WWOX: variants seen among roughly 807,000 people sequenced by gnomAD.
WWOX encodes the protein WW domain-containing oxidoreductase.
Under a neutral mutation model 46.2 loss-of-function variants are expected in WWOX, and 69 were observed. That is an observed-to-expected ratio of 1.49 (90% CI 1.23 to 1.82). The LOEUF (loss-of-function observed/expected upper bound fraction) is 1.82, where lower values mean the gene tolerates loss of function less well. Ranked by LOEUF, WWOX falls within the 40% of genes most tolerant of loss-of-function variation. WWOX has a pLI of 0.00. For synonymous variants in WWOX, 359 were observed against 202.6 expected (o/e 1.77, Z -6.56); for missense variants, 919 against 542.6 (o/e 1.69, Z -6.89).
chr16:78,778,046 A>G (rs1349966526), intron 8 of WWOX, among the ~76,000 whole-genome samples: 6 of 2,468 alleles, frequency 2.4e-3, no homozygotes, highest in Non-Finnish European at 6.8e-3. Flanking sequence ...CTCCATCTGA[A>G]AAAAAAAAAA....
intron 8 of WWOX, among the ~76,000 whole-genome samples, chr16:78,543,264 C>A (rs193129491): frequency 3.9e-5 from 6 of 152,300 alleles, no homozygotes; most frequent in African/African-American, 1.4e-4. Context: ...TGTCACGAGT[C>A]GTTTCCTCTT....
rs117081548 is a variant in WWOX at position 78,928,726 on chromosome 16, C to G, written c.1057-282882C>G. The stretch of plus-strand genomic sequence containing the variant: ...TATATTTGGCTCTCTTTCATCAACA[C>G]TTTTATGGACCTGCATTGCTGTGTT... On this transcript the variant is annotated intron_variant, in intron 8 of 8. Transcript: ENST00000566780. Among the ~76,000 whole-genome samples, 382 of 152,174 alleles carry G rather than the reference C, an allele frequency of 2.5e-3. 13 individuals are homozygous for G. The South Asian group carries it at 0.053, about 21-fold the overall frequency.
rs1251562299 is a variant in WWOX at position 78,726,170 on chromosome 16, T to C, written c.1056+293418T>C. On this transcript the variant is annotated intron_variant, in intron 8 of 8. Transcript: ENST00000566780. ...TTCTCTCTTTCTCTTTCTGTGTCTC[T>C]CTTTTCTCTCTCTCTCTCTTTCCTT... Among the ~76,000 whole-genome samples the C allele has an allele frequency of 2.0e-5, 3 of 146,666 alleles. No individual in the cohort carries two copies. In the East Asian group the frequency reaches 6.3e-4, roughly 31 times the overall value.
chr16:78,871,970 T>C (rs1411945648), intron 8 of WWOX, among the ~76,000 whole-genome samples: 2 of 152,184 alleles, frequency 1.3e-5, no homozygotes, highest in African/African-American at 2.4e-5. Context: ...AGCTTGGCTG[T>C]GGCCTTGCAG....
chr16:78,479,114 A>AG (rs975056037), intron 8 of WWOX, among the ~76,000 whole-genome samples: 7 of 151,930 alleles, frequency 4.6e-5, no homozygotes, highest in Middle Eastern at 6.8e-3. Flanking sequence ...TATTTGGAAA[A>AG]GGAAAAAAAA....
intron 8 of WWOX, among the ~76,000 whole-genome samples, chr16:79,027,232 A>G (rs1283203462): frequency 3.4e-5 from 5 of 148,658 alleles, no homozygotes; most frequent in Admixed American, 6.7e-5. Context: ...GTGGGCTGTG[A>G]TCATGCCACT....
chr16:78,875,270 A>G (rs139780950), intron 8 of WWOX, among the ~76,000 whole-genome samples: 5 of 152,196 alleles, frequency 3.3e-5, no homozygotes, highest in Admixed American at 6.5e-5. Context: ...CTCCCAGTAA[A>G]TCAAGTAATA....
intron 8 of WWOX, among the ~76,000 whole-genome samples, chr16:78,466,190 C>G (rs1003173435): frequency 4.6e-5 from 7 of 152,070 alleles, no homozygotes; most frequent in Non-Finnish European, 1.5e-5. Context: ...CGCCACCATG[C>G]TTGGCTAATT....
intron 8 of WWOX, among the ~76,000 whole-genome samples, chr16:78,803,109 A>G (rs1451039192): frequency 6.6e-6 from 1 of 151,798 alleles, no homozygotes; most frequent in Non-Finnish European, 1.5e-5. Flanking sequence ...ATAGTTTAAT[A>G]TCAATTATAT....
chr16:78,451,312 T>C (rs1335448616), intron 8 of WWOX, among the ~76,000 whole-genome samples: 2 of 152,232 alleles, frequency 1.3e-5, no homozygotes, highest in African/African-American at 4.8e-5. Flanking sequence ...TGAATGAGTA[T>C]ACATTCTGCA....
At chr16:78,609,618 C>G (rs1054325269) in intron 8 of WWOX, among the ~76,000 whole-genome samples, 2 of 151,428 alleles carry the variant, frequency 1.3e-5, no homozygotes, top group African/African-American at 2.4e-5. Flanking sequence ...CAGGCAGGCT[C>G]TTGGGGGCTT....
At chr16:79,067,646 GC>G (rs1490787815) in intron 8 of WWOX, among the ~76,000 whole-genome samples, 1 of 140,154 alleles carries the variant, frequency 7.1e-6, no homozygotes, top group African/African-American at 2.6e-5. Context: ...GCGGGGGGGG[GC>G]ACTTATCACC....
At chr16:78,811,323 C>G (rs1434469933) in intron 8 of WWOX, among the ~76,000 whole-genome samples, 3 of 152,118 alleles carry the variant, frequency 2.0e-5, no homozygotes, top group Non-Finnish European at 2.9e-5. Context: ...TTGGATAAAT[C>G]ACTTCGGGGA....
At chr16:78,884,170 G>T (rs1383282435) in intron 8 of WWOX, among the ~76,000 whole-genome samples, 3 of 151,018 alleles carry the variant, frequency 2.0e-5, no homozygotes, top group Admixed American at 2.0e-4. Context: ...TACTCGGGAG[G>T]CTGAAGCAGG....
chr16:78,587,945 T>A (rs535140091), intron 8 of WWOX, among the ~76,000 whole-genome samples: 1 of 152,346 alleles, frequency 6.6e-6, no homozygotes, highest in South Asian at 2.1e-4. Context: ...TTGGAAATGA[T>A]GGCAGTGGTT....
intron 8 of WWOX, among the ~76,000 whole-genome samples, chr16:78,687,396 G>C (rs934300551): frequency 3.9e-5 from 6 of 152,354 alleles, no homozygotes; most frequent in African/African-American, 9.6e-5. Flanking sequence ...AGTGTGGCCT[G>C]AGATTGTTGA....
Position 78,516,401 on chromosome 16 carries a change from C to T in WWOX, c.1056+83649C>T, listed in dbSNP as rs566411613. Among the ~76,000 whole-genome samples the T allele has an allele frequency of 2.3e-4, 35 of 152,244 alleles. 1 individual carries two copies. Among genetic ancestry groups the T allele is most frequent in the Non-Finnish European group, 3.7e-4 (25 of 68,024 alleles). ...CTTCTTCTAATAGTTGTGTAATATTCCATACTACAGATATTCTGTTATTTA... is the reference window on the plus strand; with the variant it reads ...CTTCTTCTAATAGTTGTGTAATATTTCATACTACAGATATTCTGTTATTTA... On this transcript the variant is annotated intron_variant, in intron 8 of 8. Transcript: ENST00000566780.
intron 8 of WWOX, among the ~76,000 whole-genome samples, chr16:78,792,752 C>G (rs749876190): frequency 1.3e-5 from 2 of 152,112 alleles, no homozygotes; most frequent in African/African-American, 2.4e-5. Context: ...TTAGCCAAAG[C>G]AAAGAGTGGT....
intron 8 of WWOX, among the ~76,000 whole-genome samples, chr16:78,697,451 A>C (rs949039534): frequency 1.3e-5 from 2 of 152,242 alleles, no homozygotes; most frequent in Non-Finnish European, 2.9e-5. Context: ...AGGAACAGTC[A>C]GCAGAGTAAA....
Sources: allele counts gnomAD v4.1 joint callset (sites outside exome capture counted in the v4.1 genomes callset), GRCh38; gene constraint gnomAD v4.1.1; transcripts MANE v1.5; gene names NCBI Gene and HGNC (gene_info 2026-07-23, HGNC 2026-07-21).